Variants in GPM6A observed in about 807,000 individuals in gnomAD.
The protein encoded by GPM6A is neuronal membrane glycoprotein M6-a.
GPM6A carries 7 observed loss-of-function variants against 32.1 expected under a neutral mutation model. The observed-to-expected ratio is 0.22, with a 90% CI of 0.12 to 0.41. The LOEUF is 0.41. Ranked by LOEUF, GPM6A falls within the 10% of genes least tolerant of loss-of-function variation. The probability of loss-of-function intolerance (pLI) is 1.00; values close to 1 mark genes in which losing one functional copy is unlikely to be tolerated. For synonymous variants in GPM6A, 130 were observed against 123.4 expected (o/e 1.05, Z -0.35); for missense variants, 235 against 347.2 (o/e 0.68, Z 2.57).
intron 1 of GPM6A, among the ~76,000 whole-genome samples, chr4:175,734,494 A>G (rs1731571554): frequency 6.6e-6 from 1 of 152,118 alleles, no homozygotes; most frequent in Non-Finnish European, 1.5e-5. Flanking sequence ...GTTTGGTCTC[A>G]GTCTTCTTTG....
chr4:175,887,706 T>G (rs1737507242), intron 1 of GPM6A, among the ~76,000 whole-genome samples: 1 of 151,714 alleles, frequency 6.6e-6, no homozygotes, highest in African/African-American at 2.4e-5. Context: ...ATAACCATGA[T>G]AAAAATTTTG....
intron 1 of GPM6A, among the ~76,000 whole-genome samples, chr4:175,987,524 TTGTGTGTG>T (rs141045074): frequency 8.0e-4 from 119 of 148,686 alleles, no homozygotes; most frequent in African/African-American, 2.6e-3. Flanking sequence ...TAAAGTGTGT[TTGTGTGTG>T]TGTGTGTGTG....
At chr4:175,955,138 C>G (rs1014268466) in intron 1 of GPM6A, among the ~76,000 whole-genome samples, 6 of 152,186 alleles carry the variant, frequency 3.9e-5, no homozygotes, top group African/African-American at 1.2e-4. Context: ...CATGGCTGGA[C>G]GAAGCCTGCA....
At chr4:175,809,257 T>C (rs1023142663) in intron 1 of GPM6A, among the ~76,000 whole-genome samples, 1 of 152,204 alleles carries the variant, frequency 6.6e-6, no homozygotes, top group Non-Finnish European at 1.5e-5. Flanking sequence ...GCTCAACCCC[T>C]CTGTAGTAAC....
intron 1 of GPM6A, among the ~76,000 whole-genome samples, chr4:175,792,474 T>C (rs1253699315): frequency 6.6e-6 from 1 of 152,140 alleles, no homozygotes; most frequent in Non-Finnish European, 1.5e-5. Flanking sequence ...ACTGCCCTGG[T>C]AATACATTTA....
At chr4:175,893,759 C>T (rs946405869) in intron 1 of GPM6A, among the ~76,000 whole-genome samples, 1 of 152,022 alleles carries the variant, frequency 6.6e-6, no homozygotes, top group Non-Finnish European at 1.5e-5. Context: ...TCCTAACCTT[C>T]CTAAGTAAAA....
In GPM6A at chr4:175,633,743, G is replaced by A. The variant is rs1740427467; in HGVS notation, c.*1162C>T. On this transcript the variant is annotated 3_prime_UTR_variant, in exon 7 of 7. Transcript: ENST00000393658. ...ATATGAATGAACATTCGGTTAAAAT[G>A]ACTTACTTGAAATAAAAACACAAAT... 6.6e-6 allele frequency: 1 copy of A among 152,424 alleles called. No individual in the cohort carries two copies. The highest frequency in any genetic ancestry group is 1.5e-5 in the Non-Finnish European group (1 of 67,944). 9.4% of individuals were successfully genotyped at this position (152,424 alleles called of 1,614,324 possible). A position where few individuals can be genotyped will look rare whatever the true frequency, so the allele number is the denominator to read the frequency against.
chr4:175,774,036 C>A (rs1733295575), intron 1 of GPM6A, among the ~76,000 whole-genome samples: 2 of 151,996 alleles, frequency 1.3e-5, no homozygotes. Flanking sequence ...TTTTTTTACC[C>A]AAGACAGCTT....
chr4:175,953,032 A>G (rs868761026), intron 1 of GPM6A, among the ~76,000 whole-genome samples: 2 of 148,224 alleles, frequency 1.3e-5, no homozygotes, highest in East Asian at 2.0e-4. Flanking sequence ...CCTGTTTTTA[A>G]AAAAAAAAAA....
At chr4:175,837,520 G>A (rs564056195) in intron 1 of GPM6A, among the ~76,000 whole-genome samples, 35 of 152,130 alleles carry the variant, frequency 2.3e-4, no homozygotes, top group Non-Finnish European at 4.3e-4. Flanking sequence ...CCAAAAGAGG[G>A]GCTGTGGGGT....
At chr4:175,746,310 C>T (rs917875252) in intron 1 of GPM6A, among the ~76,000 whole-genome samples, 4 of 152,014 alleles carry the variant, frequency 2.6e-5, no homozygotes, top group African/African-American at 9.7e-5. Context: ...CTCCTCTTGA[C>T]TAGGAGTTTT....
At chr4:175,748,204 G>A (rs781227898) in intron 1 of GPM6A, among the ~76,000 whole-genome samples, 2 of 152,014 alleles carry the variant, frequency 1.3e-5, no homozygotes, top group African/African-American at 4.8e-5. Context: ...TGTTAATGTC[G>A]ATGTTTTGAC....
chr4:175,894,938 A>T (rs1165725765), intron 1 of GPM6A, among the ~76,000 whole-genome samples: 1 of 152,198 alleles, frequency 6.6e-6, no homozygotes, highest in African/African-American at 2.4e-5. Flanking sequence ...AAGTCAAAAC[A>T]CTATTACTGT....
intron 1 of GPM6A, among the ~76,000 whole-genome samples, chr4:175,772,989 C>T (rs1733251565): frequency 6.6e-6 from 1 of 152,182 alleles, no homozygotes; most frequent in African/African-American, 2.4e-5. Context: ...AATAAATCAG[C>T]ATACTAAAAG....
intron 1 of GPM6A, among the ~76,000 whole-genome samples, chr4:175,708,046 A>G (rs1301279654): frequency 6.6e-6 from 1 of 152,178 alleles, no homozygotes; most frequent in Non-Finnish European, 1.5e-5. Flanking sequence ...AATGTATCCA[A>G]CAGTTATTGA....
chr4:175,660,255 G>A (rs981162423), intron 3 of GPM6A, among the ~76,000 whole-genome samples: 7 of 151,698 alleles, frequency 4.6e-5, no homozygotes, highest in Admixed American at 1.3e-4. Context: ...AAAATTAGCC[G>A]GGCATGTAAT....
intron 1 of GPM6A, among the ~76,000 whole-genome samples, chr4:175,742,168 A>T (rs1407634618): frequency 6.6e-6 from 1 of 152,136 alleles, no homozygotes; most frequent in African/African-American, 2.4e-5. Flanking sequence ...TCCCTAAGTT[A>T]ATACCCAAAT....
chr4:175,652,587 T>C (rs1390731205), intron 3 of GPM6A, among the ~76,000 whole-genome samples: 4 of 151,898 alleles, frequency 2.6e-5, no homozygotes. Context: ...TTATATATGG[T>C]AAAATATTAT....
intron 1 of GPM6A, among the ~76,000 whole-genome samples, chr4:175,898,544 C>T (rs934254467): frequency 1.3e-5 from 2 of 152,090 alleles, no homozygotes; most frequent in African/African-American, 2.4e-5. Flanking sequence ...CACAGGCCCT[C>T]GGGGAATACG....
Sources: allele counts gnomAD v4.1 joint callset (sites outside exome capture counted in the v4.1 genomes callset), GRCh38; gene constraint gnomAD v4.1.1; transcripts MANE v1.5; gene names NCBI Gene and HGNC (gene_info 2026-07-23, HGNC 2026-07-21).